Variants in RSPO2 observed in about 807,000 individuals in gnomAD.
RSPO2 encodes R-spondin 2, also known as R-spondin-2.
RSPO2 carries 14 observed loss-of-function variants against 30.9 expected under a neutral mutation model. That is an observed-to-expected ratio of 0.45 (90% CI 0.30 to 0.71). The LOEUF (loss-of-function observed/expected upper bound fraction) is 0.71. RSPO2 is among the 30% of genes least tolerant of loss of function. The pLI is 0.08. For synonymous variants in RSPO2, 107 were observed against 96.4 expected, an observed-to-expected ratio of 1.11 and a Z score of -0.64; for missense variants, 264 against 301.9, an observed-to-expected ratio of 0.87 and a Z score of 0.93.
chr8:107,952,135 A>C (rs1813270223), intron 5 of RSPO2, among the ~76,000 whole-genome samples: 1 of 152,190 alleles, frequency 6.6e-6, no homozygotes, highest in African/African-American at 2.4e-5. Flanking sequence ...CCCCTGACGC[A>C]GGAATTTCAG....
At chr8:107,983,391 G>T in intron 3 of RSPO2, 1 of 1,606,102 alleles carries the variant, frequency 6.2e-7, no homozygotes, top group Non-Finnish European at 8.5e-7. Flanking sequence ...ACACAGACAA[G>T]GATGTAGCTG....
chr8:108,078,622 T>C (rs1364762406), intron 2 of RSPO2, among the ~76,000 whole-genome samples: 1 of 152,258 alleles, frequency 6.6e-6, no homozygotes, highest in African/African-American at 2.4e-5. Flanking sequence ...GTTTGCTTTC[T>C]CTGGCCTCAG....
At chr8:107,942,728 C>T (rs1255450377) in intron 5 of RSPO2, among the ~76,000 whole-genome samples, 1 of 152,042 alleles carries the variant, frequency 6.6e-6, no homozygotes, top group East Asian at 1.9e-4. Flanking sequence ...ATACTTTTGG[C>T]TAATAACTAA....
At chr8:108,040,635 T>C (rs1039568685) in intron 2 of RSPO2, among the ~76,000 whole-genome samples, 2 of 152,144 alleles carry the variant, frequency 1.3e-5, no homozygotes, top group African/African-American at 2.4e-5. Flanking sequence ...GAGAACAACA[T>C]GACCAAAGAG....
In RSPO2 at chr8:108,001,049, A is replaced by G. The variant is rs570984145; in HGVS notation, c.95-11805T>C. 8.8e-4 allele frequency among the ~76,000 whole-genome samples: 134 copies of G among 151,474 alleles called. 2 individuals are homozygous for G. In the Middle Eastern group the frequency reaches 0.01, roughly 12 times the overall value. ...AATAAAATAATAAAAAAAATTAGCC[A>G]GGCGTGGTGGCGGGCGCCTGTAGTC... On this transcript the variant is annotated intron_variant, in intron 2 of 5. Coordinates refer to ENST00000276659, the MANE Select transcript of RSPO2 (RefSeq NM_178565.5).
In RSPO2 at chr8:107,928,804, T is replaced by C. The variant is rs141678815; in HGVS notation, c.617-27614A>G. On this transcript the variant is annotated intron_variant, in intron 5 of 5. Coordinates refer to ENST00000276659, the MANE Select transcript of RSPO2 (RefSeq NM_178565.5). ...TTCCTATGAGATAAAGTTGGCGTTA[T>C]GATTAAATAAGGAAATTAAGTAAAA... is the stretch of plus-strand genomic sequence containing the variant. Among the ~76,000 whole-genome samples the C allele has an allele frequency of 2.0e-5, 3 of 152,346 alleles. No homozygotes were observed. The East Asian group carries it at 5.8e-4, about 29-fold the overall frequency.
intron 5 of RSPO2, among the ~76,000 whole-genome samples, chr8:107,918,691 C>A (rs1812057179): frequency 6.6e-6 from 1 of 152,062 alleles, no homozygotes; most frequent in South Asian, 2.1e-4. Context: ...GGAACAGAGT[C>A]CCATCAAAGC....
At chr8:107,920,245 T>C (rs949439669) in intron 5 of RSPO2, among the ~76,000 whole-genome samples, 7 of 152,144 alleles carry the variant, frequency 4.6e-5, no homozygotes, top group Non-Finnish European at 1.0e-4. Flanking sequence ...TAGGGGATCA[T>C]TTTATAAAAA....
At chr8:107,906,998 A>T (rs2130257079) in intron 5 of RSPO2, among the ~76,000 whole-genome samples, 1 of 152,058 alleles carries the variant, frequency 6.6e-6, no homozygotes, top group South Asian at 2.1e-4. Flanking sequence ...TATATATTTA[A>T]CACATATACA....
intron 2 of RSPO2, among the ~76,000 whole-genome samples, chr8:108,031,302 A>T (rs1166501258): frequency 6.6e-6 from 1 of 152,234 alleles, no homozygotes; most frequent in Non-Finnish European, 1.5e-5. Flanking sequence ...GGTGCAGAAA[A>T]CGTGACTCAG....
At chr8:107,983,972 A>T (rs1487900962) in intron 3 of RSPO2, 3 of 837,314 alleles carry the variant, frequency 3.6e-6, no homozygotes. Flanking sequence ...GAATAATTGA[A>T]ATAGAAGGCC....
intron 2 of RSPO2, among the ~76,000 whole-genome samples, chr8:108,007,854 C>A (rs1815502237): frequency 6.6e-6 from 1 of 151,996 alleles, no homozygotes. Context: ...GCAGGAGGGT[C>A]ACGTGAGCCC....
chr8:108,076,384 A>C (rs1268108818), intron 2 of RSPO2, among the ~76,000 whole-genome samples: 1 of 152,172 alleles, frequency 6.6e-6, no homozygotes, highest in Non-Finnish European at 1.5e-5. Flanking sequence ...AGAAAAATGG[A>C]ATGTGGCAGC....
intron 2 of RSPO2, among the ~76,000 whole-genome samples, chr8:107,991,350 T>C (rs138691114): frequency 0.013 from 1,941 of 152,090 alleles, 41 homozygotes; most frequent in South Asian, 0.067. Context: ...GCTAGCTATA[T>C]GCAAAAGATT....
intron 2 of RSPO2, among the ~76,000 whole-genome samples, chr8:108,001,843 T>C (rs1001247673): frequency 4.6e-5 from 7 of 151,958 alleles, no homozygotes; most frequent in Non-Finnish European, 1.5e-5. Flanking sequence ...GGAAAACACA[T>C]GGACACAGAG....
At chr8:107,932,020 T>C (rs1414318371) in intron 5 of RSPO2, among the ~76,000 whole-genome samples, 5 of 152,214 alleles carry the variant, frequency 3.3e-5, no homozygotes, top group Non-Finnish European at 5.9e-5. Context: ...AAAGACTATC[T>C]CCAAAATACA....
chr8:108,082,910 G>A (rs1813256341), intron 1 of RSPO2, 103 bp from the exon 2 acceptor site: 8 of 456,150 alleles, frequency 1.8e-5, no homozygotes, highest in Non-Finnish European at 3.1e-5. Context: ...GAGGGAAGGA[G>A]GAAGCGAACC....
chr8:107,934,352 A>G (rs1455087278), intron 5 of RSPO2, among the ~76,000 whole-genome samples: 2 of 149,734 alleles, frequency 1.3e-5, no homozygotes, highest in African/African-American at 4.9e-5. Flanking sequence ...CATTACATAC[A>G]AAGCATCTTC....
intron 2 of RSPO2, among the ~76,000 whole-genome samples, chr8:108,014,708 T>A (rs1366991339): frequency 3.3e-5 from 5 of 150,764 alleles, no homozygotes; most frequent in African/African-American, 9.8e-5. Flanking sequence ...GTGGGGGGGC[T>A]AGGGGAGGGA....
Sources: gnomAD v4.1 joint callset for allele counts (sites outside exome capture counted in the v4.1 genomes callset) on GRCh38, gnomAD v4.1.1 for gene constraint, MANE v1.5 for transcripts, NCBI Gene and HGNC (gene_info 2026-07-23, HGNC 2026-07-21) for gene names.